Variants in CHRNA5 observed in about 807,000 individuals in gnomAD.
CHRNA5 encodes neuronal acetylcholine receptor subunit alpha-5.
In CHRNA5, 28 loss-of-function variants were observed where a neutral mutation model predicts 41.2. That is an observed-to-expected ratio of 0.68 (90% confidence interval 0.50 to 0.93). CHRNA5 has a LOEUF of 0.93. CHRNA5 is among the 40% of genes least tolerant of loss of function. CHRNA5 has a pLI of 0.00. For missense variants in CHRNA5, 481 were observed against 581.9 expected (o/e 0.83, Z 1.78); for synonymous variants, 188 against 205.8 (o/e 0.91, Z 0.74).
Position 78,593,172 on chromosome 15 carries a change from A to G in CHRNA5, c.1326A>G (p.Gly442=). Residue 442 remains glycine (G), a synonymous_variant, in exon 6 of 6, where the codon GGA becomes GGG. Transcript: ENST00000299565. ...CTTTTCTTTTCGTTTCAATTGTTGG[A>G]TCTCTTGGGCTTTTTGTTCCTGTTA... 3.1e-6 allele frequency: 5 copies of G among 1,613,784 alleles called. No individual in the cohort carries two copies. The East Asian group carries it at 8.9e-5, about 29-fold the overall frequency.
intron 5 of CHRNA5, among the ~76,000 whole-genome samples, chr15:78,592,779 A>T (rs1418963646): frequency 6.6e-6 from 1 of 151,268 alleles, no homozygotes; most frequent in East Asian, 1.9e-4. Flanking sequence ...AAGTATATAT[A>T]GTAAGAATAA....
At chr15:78,576,330 G>A (rs778602586) in intron 1 of CHRNA5, among the ~76,000 whole-genome samples, 1 of 152,110 alleles carries the variant, frequency 6.6e-6, no homozygotes, top group African/African-American at 2.4e-5. Context: ...GTTTTTAGTA[G>A]AGACAGGGTT....
chr15:78,592,385 T>C (rs2053025403), intron 5 of CHRNA5, among the ~76,000 whole-genome samples: 1 of 152,136 alleles, frequency 6.6e-6, no homozygotes, highest in African/African-American at 2.4e-5. Flanking sequence ...TATCCTACAC[T>C]TTGGAGGCAC....
chr15:78,589,751 A>G, intron 4 of CHRNA5, 54 bp from the exon 5 acceptor site: 1 of 1,346,696 alleles, frequency 7.4e-7, no homozygotes, highest in South Asian at 1.4e-5. Flanking sequence ...TATTAATACA[A>G]TTCATGTGCA....
exon 5 of CHRNA5, chr15:78,590,186 A>G (rs1259733106): frequency 6.2e-7 from 1 of 1,614,004 alleles, no homozygotes; most frequent in Non-Finnish European, 8.5e-7. Context: ...TTGGGCTCTC[A>G]TTTTTAACTG....
At position 78,588,450 on chromosome 15, in the gene CHRNA5, A is replaced by G. The variant is rs1328495990; in HGVS notation, c.413+27A>G. 5 of 1,110,252 alleles carry G rather than the reference A, an allele frequency of 4.5e-6. No individual in the cohort carries two copies. The highest frequency in any genetic ancestry group is 6.4e-6 in the Non-Finnish European group (5 of 787,030). The allele number at this position is 1,110,252 out of a possible 1,614,324, so 68.8% of individuals were successfully genotyped here. ...TAAGTTATATTCTAAATATAGTTTT[A>G]TATTTTCAAAAGAAAACATTTGTAT... On this transcript the variant is annotated intron_variant, in intron 4 of 5. Transcript: ENST00000299565. The surrounding 1 kb of genome is among the most constrained non-coding windows in gnomAD (Gnocchi z 4.1).
At chr15:78,585,523 A>T (rs956075219) in intron 2 of CHRNA5, among the ~76,000 whole-genome samples, 2 of 152,136 alleles carry the variant, frequency 1.3e-5, no homozygotes, top group African/African-American at 4.8e-5. Context: ...CCTACACATA[A>T]TATATTTGCG....
At chr15:78,592,288 C>G (rs1338969769) in intron 5 of CHRNA5, among the ~76,000 whole-genome samples, 1 of 152,342 alleles carries the variant, frequency 6.6e-6, no homozygotes, top group East Asian at 1.9e-4. Flanking sequence ...CGCCACTGCA[C>G]TCCAGCCTGG....
At chr15:78,569,452 G>A (rs78772659) in intron 1 of CHRNA5, among the ~76,000 whole-genome samples, 1 of 52,660 alleles carries the variant, frequency 1.9e-5, no homozygotes, top group African/African-American at 7.9e-5. Flanking sequence ...TTTTTTTTTT[G>A]AGACGGAGTC....
chr15:78,582,623 C>T (rs2052923691), intron 2 of CHRNA5, among the ~76,000 whole-genome samples: 1 of 152,102 alleles, frequency 6.6e-6, no homozygotes, highest in African/African-American at 2.4e-5. Flanking sequence ...GCTGGGAATG[C>T]AGATCTTAAT....
chr15:78,565,710 G>A, exon 1 of CHRNA5: 1 of 1,136,080 alleles, frequency 8.8e-7, no homozygotes, highest in Non-Finnish European at 1.1e-6. Context: ...TCCCGCGCGG[G>A]CGCGGGGCGA....
At chr15:78,572,685 G>T (rs1157164121) in intron 1 of CHRNA5, among the ~76,000 whole-genome samples, 3 of 152,024 alleles carry the variant, frequency 2.0e-5, no homozygotes, top group African/African-American at 4.8e-5. Flanking sequence ...GTTTCTCCAT[G>T]TTGGTCATAC....
chr15:78,565,520 A>C lies in CHRNA5; in HGVS notation c.-200A>C, dbSNP rs1031751646. 2.0e-5 allele frequency: 4 copies of C among 203,462 alleles called. No individual in the cohort carries two copies. The East Asian group carries it at 3.8e-4, about 19-fold the overall frequency. 12.6% of individuals were successfully genotyped at this position (203,462 alleles called of 1,614,324 possible). A position where few individuals can be genotyped will look rare whatever the true frequency, so the allele number is the denominator to read the frequency against. On this transcript the variant is annotated 5_prime_UTR_variant, in exon 1 of 6. Transcript: ENST00000299565. ...GCGGGGCTAGGCGCCGGGAGCTTCC[A>C]CATGCGTCCCGAGCCCGCCAGAAGC...
rs79721430 is a variant in CHRNA5, at chr15:78,590,467, C to T, written c.1076C>T (p.Thr359Met). ...TTGGTCCGCAAGATATTTCTTCACA[C>T]GCTTCCCAAACTGCTTTGCATGAGA... Residue 359 changes from threonine to methionine, a missense_variant, in exon 5 of 6, where the codon ACG becomes ATG. Thr to Met is a moderately conservative substitution (Grantham distance 81, BLOSUM62 -1). Coordinates refer to ENST00000299565, the Ensembl canonical transcript of CHRNA5. 8.9e-5 allele frequency: 143 copies of T among 1,614,190 alleles called. No individual in the cohort carries two copies. In the Middle Eastern group the frequency reaches 3.8e-3, roughly 43 times the overall value.
At chr15:78,577,896 A>G (rs1320073197) in intron 1 of CHRNA5, among the ~76,000 whole-genome samples, 2 of 145,804 alleles carry the variant, frequency 1.4e-5, no homozygotes, top group African/African-American at 5.1e-5. Flanking sequence ...GCACCATTGC[A>G]CTCCAGACTG....
At chr15:78,582,086 T>A (rs1388649286) in intron 2 of CHRNA5, among the ~76,000 whole-genome samples, 1 of 152,210 alleles carries the variant, frequency 6.6e-6, no homozygotes, top group Non-Finnish European at 1.5e-5. Flanking sequence ...TATTGCTATG[T>A]CATCTAATTG....
chr15:78,570,825 G>T (rs115718787), intron 1 of CHRNA5, among the ~76,000 whole-genome samples: 2,400 of 152,136 alleles, frequency 0.016, 53 homozygotes, highest in African/African-American at 0.055. Context: ...ATTTTGTACT[G>T]GGTTATTCTT....
intron 1 of CHRNA5, among the ~76,000 whole-genome samples, chr15:78,574,410 C>T (rs2052838646): frequency 6.7e-6 from 1 of 148,646 alleles, no homozygotes; most frequent in Non-Finnish European, 1.5e-5. Flanking sequence ...CCTCAGGTAT[C>T]TTTTTGGCTA....
At chr15:78,579,501 G>A (rs2052890550) in intron 1 of CHRNA5, among the ~76,000 whole-genome samples, 1 of 152,106 alleles carries the variant, frequency 6.6e-6, no homozygotes, top group Non-Finnish European at 1.5e-5. Context: ...TAATCTGTCC[G>A]CCTCAGCTTC....
Sources: gnomAD v4.1 joint callset for allele counts (sites outside exome capture counted in the v4.1 genomes callset) on GRCh38, gnomAD v4.1.1 for gene constraint, Gnocchi (gnomAD v3.1) non-coding constraint, MANE v1.5 for transcripts, NCBI Gene and HGNC (gene_info 2026-07-23, HGNC 2026-07-21) for gene names.